Variants in FHIT observed in about 807,000 individuals in gnomAD.
FHIT encodes bis(5'-adenosyl)-triphosphatase.
A neutral mutation model predicts 17.9 loss-of-function variants in FHIT; 19 were observed. The ratio of observed to expected loss-of-function variants is 1.06; its 90% CI spans 0.74 to 1.56. The LOEUF (loss-of-function observed/expected upper bound fraction) is 1.56. Among genes scored for constraint, FHIT ranks in the 40% most tolerant of loss-of-function variants. The pLI is 0.00. For synonymous variants in FHIT, 81 were observed against 69.7 expected (o/e 1.16, Z -0.81); for missense variants, 248 against 189.2 (o/e 1.31, Z -1.82).
At chr3:61,111,011 A>G (rs1459239627) in intron 2 of FHIT, among the ~76,000 whole-genome samples, 1 of 152,210 alleles carries the variant, frequency 6.6e-6, no homozygotes, top group Non-Finnish European at 1.5e-5. Context: ...GGCCCCCGAA[A>G]CAAACATTTT....
intron 3 of FHIT, among the ~76,000 whole-genome samples, chr3:60,962,769 G>A (rs939126251): frequency 5.3e-5 from 8 of 152,192 alleles, no homozygotes; most frequent in Non-Finnish European, 1.2e-4. Flanking sequence ...TTGCATCCCA[G>A]GGATGAAGCC....
chr3:60,325,696 G>C (rs1486958734), intron 5 of FHIT, among the ~76,000 whole-genome samples: 2 of 152,092 alleles, frequency 1.3e-5, no homozygotes, highest in Non-Finnish European at 2.9e-5. Context: ...ATAAACCAAG[G>C]CAAAAGAGGA....
intron 2 of FHIT, among the ~76,000 whole-genome samples, chr3:61,070,691 G>A (rs1036914014): frequency 6.6e-6 from 1 of 152,100 alleles, no homozygotes; most frequent in African/African-American, 2.4e-5. Context: ...GACACCTTTT[G>A]AGAGCATCTC....
chr3:59,922,355 G>C lies in FHIT; in HGVS notation c.339C>G (p.Ile113Met), dbSNP rs1264518161. The C allele has an allele frequency of 3.0e-5, 48 of 1,613,366 alleles. No homozygotes were observed. Among genetic ancestry groups the C allele is most frequent in the Non-Finnish European group, 4.0e-5 (47 of 1,179,512 alleles). The part of the protein sequence containing the change: ...KAGDFHRNDS[I>M]YEELQKHDKE... Reference sequence around the variant, plus strand: ...GAGAGAACAGACCCACCTCCTCATAGATGCTGTCATTCCTGTGAAAGTCTC... The same window carrying C: ...GAGAGAACAGACCCACCTCCTCATACATGCTGTCATTCCTGTGAAAGTCTC... Residue 113 changes from isoleucine (I) to methionine (M), a missense_variant, in exon 8 of 10, where the codon ATC becomes ATG. Ile to Met is a conservative substitution (Grantham distance 10). Transcript: ENST00000492590.
At chr3:60,145,362 T>C (rs1700197988) in intron 5 of FHIT, among the ~76,000 whole-genome samples, 1 of 152,198 alleles carries the variant, frequency 6.6e-6, no homozygotes, top group Non-Finnish European at 1.5e-5. Flanking sequence ...TGTACATTAT[T>C]CTACTGATTT....
chr3:60,776,003 C>T (rs1230120747), intron 4 of FHIT, among the ~76,000 whole-genome samples: 1 of 152,168 alleles, frequency 6.6e-6, no homozygotes, highest in African/African-American at 2.4e-5. Flanking sequence ...TTCCCCTTCT[C>T]TACCCCATCA....
At chr3:59,812,509 T>C (rs1212391031) in intron 8 of FHIT, among the ~76,000 whole-genome samples, 1 of 152,218 alleles carries the variant, frequency 6.6e-6, no homozygotes, top group Non-Finnish European at 1.5e-5. Context: ...TCATGTGCCA[T>C]GGCAAACAGT....
At chr3:60,625,838 T>G (rs2039270149) in intron 4 of FHIT, among the ~76,000 whole-genome samples, 1 of 152,228 alleles carries the variant, frequency 6.6e-6, no homozygotes, top group African/African-American at 2.4e-5. Context: ...CCATTTGTTA[T>G]GCTTATGTTT....
At chr3:59,757,978 T>G (rs1701305821) in intron 8 of FHIT, among the ~76,000 whole-genome samples, 1 of 152,176 alleles carries the variant, frequency 6.6e-6, no homozygotes, top group African/African-American at 2.4e-5. Context: ...GATCTTTGCC[T>G]CCTCAGGTTC....
At chr3:60,907,956 G>C (rs535676729) in intron 3 of FHIT, among the ~76,000 whole-genome samples, 2 of 152,308 alleles carry the variant, frequency 1.3e-5, no homozygotes, top group Non-Finnish European at 2.9e-5. Context: ...CTAGTAAGTG[G>C]AGTAGCTGGA....
At position 60,384,354 on chromosome 3, in the gene FHIT, C is replaced by T. The variant is rs184320937; in HGVS notation, c.103+152506G>A. On this transcript the variant is annotated intron_variant, in intron 5 of 9. Transcript: ENST00000492590. Reference sequence around the variant, plus strand: ...TTCCATAATATCTTAAGTTTCACAACAGAGATGATGATATAAAGTAGAATT... The same window carrying T: ...TTCCATAATATCTTAAGTTTCACAATAGAGATGATGATATAAAGTAGAATT... Among the ~76,000 whole-genome samples, 21 of 151,628 alleles carry T rather than the reference C, an allele frequency of 1.4e-4. No homozygotes were observed. In the East Asian group the frequency reaches 3.7e-3, roughly 27 times the overall value.
At chr3:60,048,874 C>T (rs1288659892) in intron 5 of FHIT, among the ~76,000 whole-genome samples, 1 of 152,180 alleles carries the variant, frequency 6.6e-6, no homozygotes, top group African/African-American at 2.4e-5. Context: ...GATTTGAAAA[C>T]ATGATTGTGA....
chr3:60,973,839 C>A (rs916937321), intron 3 of FHIT, among the ~76,000 whole-genome samples: 3 of 152,222 alleles, frequency 2.0e-5, no homozygotes, highest in Non-Finnish European at 4.4e-5. Context: ...TTATCACAGA[C>A]AATACTCAGC....
chr3:60,406,476 T>A (rs1467483009), intron 5 of FHIT, among the ~76,000 whole-genome samples: 1 of 152,204 alleles, frequency 6.6e-6, no homozygotes, highest in Non-Finnish European at 1.5e-5. Flanking sequence ...TCCTGCTATA[T>A]GCAGGAAAGC....
chr3:60,130,784 G>GTGT (rs148356992), intron 5 of FHIT, among the ~76,000 whole-genome samples: 2,652 of 111,474 alleles, frequency 0.024, 36 homozygotes, highest in Middle Eastern at 0.03. Context: ...GTGTGTGTGT[G>GTGT]GTGTGTATAT....
chr3:60,298,103 C>G (rs1708293516), intron 5 of FHIT, among the ~76,000 whole-genome samples: 2 of 152,046 alleles, frequency 1.3e-5, no homozygotes, highest in African/African-American at 2.4e-5. Context: ...AAGGTGCCCT[C>G]TCTACGAGCA....
At chr3:60,853,327 G>C (rs1203832535) in intron 3 of FHIT, among the ~76,000 whole-genome samples, 2 of 152,066 alleles carry the variant, frequency 1.3e-5, no homozygotes, top group Non-Finnish European at 2.9e-5. Flanking sequence ...TGATGTATTT[G>C]TCTCTTGTAT....
chr3:59,862,083 G>C (rs1381552289), intron 8 of FHIT, among the ~76,000 whole-genome samples: 1 of 152,018 alleles, frequency 6.6e-6, no homozygotes, highest in East Asian at 1.9e-4. Context: ...AACTGTACTA[G>C]TTCATTTTTA....
At chr3:60,046,753 A>AT (rs1415528141) in intron 5 of FHIT, among the ~76,000 whole-genome samples, 1 of 152,130 alleles carries the variant, frequency 6.6e-6, no homozygotes, top group Non-Finnish European at 1.5e-5. Flanking sequence ...GCTTGGTAGC[A>AT]TTTTTTTAAA....
Sources: gnomAD v4.1 joint callset for allele counts (sites outside exome capture counted in the v4.1 genomes callset) on GRCh38, gnomAD v4.1.1 for gene constraint, MANE v1.5 for transcripts, NCBI Gene and HGNC (gene_info 2026-07-23, HGNC 2026-07-21) for gene names.